The following GLDC variants were observed in gnomAD, a reference collection of about 807,000 sequenced individuals.
GLDC encodes the protein glycine dehydrogenase (decarboxylating), mitochondrial.
A neutral mutation model predicts 121.3 loss-of-function variants in GLDC; 104 were observed. The observed-to-expected ratio is 0.86, with a 90% CI of 0.73 to 1.01. GLDC has a LOEUF of 1.01. Among genes scored for constraint, GLDC ranks in the 50% least tolerant of loss-of-function variants. GLDC has a pLI of 0.00. For synonymous variants in GLDC, 546 were observed against 480.6 expected, an observed-to-expected ratio of 1.14 and a Z score of -1.78; for missense variants, 1,429 against 1,306.6, an observed-to-expected ratio of 1.09 and a Z score of -1.44.
chr9:6,596,067 C>G (rs1818489045), intron 8 of GLDC, among the ~76,000 whole-genome samples: 1 of 152,166 alleles, frequency 6.6e-6, no homozygotes, highest in Admixed American at 6.5e-5. Flanking sequence ...CTCCTTACAA[C>G]AATCAGAAAT....
Position 6,577,134 on chromosome 9 carries a change from G to T in GLDC, c.1850+10007C>A, listed in dbSNP as rs530638372. On this transcript the variant is annotated intron_variant, in intron 15 of 24. Coordinates refer to ENST00000321612, the MANE Select transcript of GLDC (RefSeq NM_000170.3). Reference sequence around the variant, plus strand: ...CTGGATGAGAAGACAGCGCGGAAAGGCACAGCAGCAAGGATGAGGCAGAGC... The same window carrying T: ...CTGGATGAGAAGACAGCGCGGAAAGTCACAGCAGCAAGGATGAGGCAGAGC... 9.2e-5 allele frequency among the ~76,000 whole-genome samples: 14 copies of T among 152,348 alleles called. No individual in the cohort carries two copies. In the East Asian group the frequency reaches 2.5e-3, roughly 27 times the overall value.
chr9:6,622,159 GACACACACACACACACACAC>G (rs60752054), intron 2 of GLDC, among the ~76,000 whole-genome samples: 6 of 145,328 alleles, frequency 4.1e-5, no homozygotes, highest in Admixed American at 2.7e-4. Flanking sequence ...CACACACACA[GACACACACACACACACACAC>G]ACACACACAC....
intron 2 of GLDC, among the ~76,000 whole-genome samples, chr9:6,630,338 G>C (rs1819350834): frequency 6.6e-6 from 1 of 152,036 alleles, no homozygotes; most frequent in Admixed American, 6.6e-5. Context: ...AAATACATGG[G>C]TACATGGGTG....
chr9:6,585,583 T>C (rs1441687844), intron 15 of GLDC, among the ~76,000 whole-genome samples: 2 of 152,156 alleles, frequency 1.3e-5, no homozygotes, highest in African/African-American at 4.8e-5. Flanking sequence ...GTGTATTGTT[T>C]TTACAAAGTA....
At chr9:6,592,297 A>G (rs1292127435) in intron 10 of GLDC, 74 bp from the exon 11 acceptor site, 2 of 910,770 alleles carry the variant, frequency 2.2e-6, no homozygotes, top group Non-Finnish European at 3.7e-6. Context: ...AAGAGAGGTC[A>G]AAGGGGAGAC....
chr9:6,557,283 A>T (rs1199616572), intron 17 of GLDC, among the ~76,000 whole-genome samples: 3 of 152,188 alleles, frequency 2.0e-5, no homozygotes, highest in African/African-American at 7.2e-5. Flanking sequence ...ACTATGTACA[A>T]CTATTGTCAT....
At chr9:6,572,068 C>T (rs945819711) in intron 15 of GLDC, among the ~76,000 whole-genome samples, 2 of 151,978 alleles carry the variant, frequency 1.3e-5, no homozygotes, top group African/African-American at 4.8e-5. Context: ...AAATGTAAAA[C>T]ATAAAACTAT....
At chr9:6,553,998 A>G (rs1193719688) in intron 19 of GLDC, among the ~76,000 whole-genome samples, 1 of 152,164 alleles carries the variant, frequency 6.6e-6, no homozygotes, top group Non-Finnish European at 1.5e-5. Flanking sequence ...AAGAAAAAAA[A>G]AACAAGAAAG....
chr9:6,622,955 A>G lies in GLDC; in HGVS notation c.335-2636T>C, dbSNP rs1453788117. The stretch of plus-strand genomic sequence containing the variant: ...CGCGACCCCGTCTGGGAGGTGAGGA[A>G]CGTCTCCGCCCGGCAGCCACCCCGT... On this transcript the variant is annotated intron_variant, in intron 2 of 24. Transcript: ENST00000321612. The G allele has an allele frequency of 1.5e-3, 289 of 191,376 alleles. 5 individuals are homozygous for G. The highest frequency in any genetic ancestry group is 6.5e-3 in the African/African-American group (257 of 39,432). The allele number at this position is 191,376 out of a possible 1,614,324, so 11.9% of individuals were successfully genotyped here.
chr9:6,625,763 T>C (rs527553073), intron 2 of GLDC, among the ~76,000 whole-genome samples: 2 of 152,270 alleles, frequency 1.3e-5, no homozygotes, highest in African/African-American at 2.4e-5. Flanking sequence ...CTAGCTGTTA[T>C]GTTCATTCCC....
At chr9:6,595,295 G>A (rs1200647166) in intron 8 of GLDC, among the ~76,000 whole-genome samples, 176 bp from the exon 9 acceptor site, 3 of 152,120 alleles carry the variant, frequency 2.0e-5, no homozygotes, top group Admixed American at 2.0e-4. Flanking sequence ...TACCTGAAAG[G>A]AACCATCATC....
chr9:6,538,942 T>C (rs1317856608), intron 22 of GLDC, among the ~76,000 whole-genome samples: 1 of 152,228 alleles, frequency 6.6e-6, no homozygotes, highest in Non-Finnish European at 1.5e-5. Context: ...TCCCATCTAT[T>C]ATCAGTGTAA....
intron 15 of GLDC, among the ~76,000 whole-genome samples, chr9:6,582,661 C>G (rs1818193604): frequency 6.6e-6 from 1 of 151,872 alleles, no homozygotes; most frequent in South Asian, 2.1e-4. Flanking sequence ...AACCCTGTCT[C>G]TACTAAAAAT....
chr9:6,569,556 G>C (rs1563841401), intron 15 of GLDC, among the ~76,000 whole-genome samples: 1 of 152,142 alleles, frequency 6.6e-6, no homozygotes. Flanking sequence ...GGGAGCTGAG[G>C]CGGGAGAATT....
At chr9:6,604,405 A>G (rs1818687832) in intron 7 of GLDC, among the ~76,000 whole-genome samples, 183 bp downstream of exon 7, 1 of 152,244 alleles carries the variant, frequency 6.6e-6, no homozygotes, top group East Asian at 1.9e-4. Context: ...TTACAAATTT[A>G]TAGTATTTGA....
chr9:6,587,374 CTA>C, intron 14 of GLDC, 91 bp from the exon 15 acceptor site: 1 of 1,003,008 alleles, frequency 1.0e-6, no homozygotes, highest in Non-Finnish European at 1.6e-6. Flanking sequence ...ATGAGAAAAG[CTA>C]TGTGCCAGGC....
At chr9:6,604,323 G>A (rs1005303200) in intron 7 of GLDC, among the ~76,000 whole-genome samples, 49 of 152,068 alleles carry the variant, frequency 3.2e-4, no homozygotes, top group Non-Finnish European at 2.5e-4. Context: ...CTTTCAAGGC[G>A]TCCATCAATC....
intron 12 of GLDC, among the ~76,000 whole-genome samples, chr9:6,588,904 G>A (rs1405375956): frequency 6.6e-6 from 1 of 152,176 alleles, no homozygotes; most frequent in African/African-American, 2.4e-5. Context: ...AGCTGACTGT[G>A]GGTATGAGTT....
At chr9:6,620,355 T>C (rs1354481976) in intron 2 of GLDC, 36 bp from the exon 3 acceptor site, 1 of 1,593,164 alleles carries the variant, frequency 6.3e-7, no homozygotes, top group Non-Finnish European at 8.6e-7. Flanking sequence ...TACAGACAGA[T>C]GTCTCAGAAA....
Sources: allele counts gnomAD v4.1 joint callset (sites outside exome capture counted in the v4.1 genomes callset), GRCh38; gene constraint gnomAD v4.1.1; transcripts MANE v1.5; gene names NCBI Gene and HGNC (gene_info 2026-07-23, HGNC 2026-07-21).